The following PIK3CA variants were observed in gnomAD, a reference collection of about 807,000 sequenced individuals.
PIK3CA encodes phosphatidylinositol 4,5-bisphosphate 3-kinase catalytic subunit alpha isoform.
In PIK3CA, 27 loss-of-function variants were observed where a neutral mutation model predicts 138.2. That is an observed-to-expected ratio of 0.20 (90% CI 0.14 to 0.27). The LOEUF (loss-of-function observed/expected upper bound fraction) is 0.27. Ranked by LOEUF, PIK3CA falls within the 10% of genes least tolerant of loss-of-function variation. PIK3CA has a pLI of 1.00. For synonymous variants in PIK3CA, 358 were observed against 413.2 expected, an observed-to-expected ratio of 0.87 and a Z score of 1.62; for missense variants, 544 against 1,277.4, an observed-to-expected ratio of 0.43 and a Z score of 8.75.
intron 1 of PIK3CA, chr3:179,149,836 CA>C (rs1393050372): frequency 2.0e-5 from 3 of 152,184 alleles, no homozygotes; most frequent in African/African-American, 7.2e-5. Flanking sequence ...TATTTGCTTA[CA>C]TTGCACCGTA....
Position 179,236,557 on chromosome 3 carries a change from G to A in PIK3CA, c.*2193G>A, listed in dbSNP as rs902119434. 4.5e-6 allele frequency: 1 copy of A among 223,916 alleles called. No homozygotes were observed. Among genetic ancestry groups the A allele is most frequent in the East Asian group, 6.5e-5 (1 of 15,354 alleles). 13.9% of individuals were successfully genotyped at this position (223,916 alleles called of 1,614,324 possible). On this transcript the variant is annotated 3_prime_UTR_variant, in exon 21 of 21. Coordinates refer to ENST00000263967, the MANE Select transcript of PIK3CA (RefSeq NM_006218.4). The stretch of plus-strand genomic sequence containing the variant: ...TTTAACAGAGAACTGTGTTTTACCC[G>A]AGTGCCAAAAATGCTGTGAGCCTCC...
chr3:179,156,269 T>C (rs1180951881), intron 1 of PIK3CA, among the ~76,000 whole-genome samples: 1 of 152,208 alleles, frequency 6.6e-6, no homozygotes, highest in Non-Finnish European at 1.5e-5. Flanking sequence ...AATAAATTGC[T>C]ACAGGTGTGG....
At chr3:179,190,910 A>G (rs1288085144) in intron 1 of PIK3CA, among the ~76,000 whole-genome samples, 1 of 152,254 alleles carries the variant, frequency 6.6e-6, no homozygotes, top group Non-Finnish European at 1.5e-5. Flanking sequence ...GAAGAACTGT[A>G]CTGTGAACGA....
In PIK3CA at chr3:179,234,772, C is replaced by G. The variant is rs1725297348; in HGVS notation, c.*408C>G. 2 of 234,526 alleles carry G rather than the reference C, an allele frequency of 8.5e-6. No homozygotes were observed. Among genetic ancestry groups the G allele is most frequent in the Non-Finnish European group, 1.7e-5 (2 of 119,094 alleles). 14.5% of individuals were successfully genotyped at this position (234,526 alleles called of 1,614,324 possible). ...TTTTGAAATGTGGACACAACAAAGG[C>G]TGTTATTGCATTAGGTGTAAGTAAA... On this transcript the variant is annotated 3_prime_UTR_variant, in exon 21 of 21. Coordinates refer to ENST00000263967, the MANE Select transcript of PIK3CA (RefSeq NM_006218.4). This position sits in a 1 kb window ranked among gnomAD's most constrained non-coding sequence, Gnocchi z 5.1.
intron 1 of PIK3CA, among the ~76,000 whole-genome samples, chr3:179,150,746 CAAAG>C (rs943196364): frequency 2.0e-5 from 3 of 152,134 alleles, no homozygotes; most frequent in Non-Finnish European, 4.4e-5. Context: ...CTTAAAAAAC[CAAAG>C]AAAAAACCCA....
intron 1 of PIK3CA, among the ~76,000 whole-genome samples, chr3:179,185,561 C>T (rs1332839915): frequency 1.3e-5 from 2 of 152,114 alleles, no homozygotes; most frequent in Non-Finnish European, 2.9e-5. Context: ...CATCAGATCC[C>T]ATAGATTGAG....
intron 14 of PIK3CA, among the ~76,000 whole-genome samples, chr3:179,222,787 T>C (rs538174868): frequency 6.6e-6 from 1 of 152,336 alleles, no homozygotes; most frequent in African/African-American, 2.4e-5. Context: ...TTCTACTGAA[T>C]GCATGTAGGA....
chr3:179,218,853 T>G (rs1724901792), intron 10 of PIK3CA, among the ~76,000 whole-genome samples: 2 of 152,034 alleles, frequency 1.3e-5, no homozygotes, highest in East Asian at 3.8e-4. Flanking sequence ...AAGTGGTGAC[T>G]CTATGATTCA....
In PIK3CA at chr3:179,201,364, C is replaced by T. The variant is rs2108389527; in HGVS notation, c.637C>T (p.His213Tyr). 1 of 1,613,386 alleles carries T rather than the reference C, an allele frequency of 6.2e-7. No homozygotes were observed. The highest frequency in any genetic ancestry group is 1.1e-5 in the South Asian group (1 of 91,064). Reference protein sequence around the residue: ...DKQKYTLKINHDCVPEQVIAE... With the variant: ...DKQKYTLKINYDCVPEQVIAE... ...GCAGAAGTATACTCTGAAAATCAACCATGACTGTGTACCAGAACAAGTAAT... is the reference window on the plus strand; with the variant it reads ...GCAGAAGTATACTCTGAAAATCAACTATGACTGTGTACCAGAACAAGTAAT... The change falls in exon 4 of 21, where the codon CAT (histidine) becomes TAT (tyrosine). Residue 213 changes from histidine to tyrosine, a missense_variant. Coordinates refer to ENST00000263967, the MANE Select transcript of PIK3CA (RefSeq NM_006218.4).
intron 1 of PIK3CA, among the ~76,000 whole-genome samples, chr3:179,164,431 G>GA (rs2108357464): frequency 6.6e-6 from 1 of 152,240 alleles, no homozygotes; most frequent in East Asian, 1.9e-4. Context: ...TTAAGAAAAG[G>GA]AAAAATGTGG....
At chr3:179,162,448 C>T (rs762484679) in intron 1 of PIK3CA, among the ~76,000 whole-genome samples, 1 of 152,018 alleles carries the variant, frequency 6.6e-6, no homozygotes, top group African/African-American at 2.4e-5. Context: ...TGGGCTCGAG[C>T]AGTCTGCCTA....
chr3:179,161,932 T>C (rs997276761), intron 1 of PIK3CA, among the ~76,000 whole-genome samples: 2 of 152,222 alleles, frequency 1.3e-5, no homozygotes, highest in Non-Finnish European at 2.9e-5. Flanking sequence ...CATTATTTCC[T>C]GTTTATTCAA....
At position 179,239,915 on chromosome 3, in the gene PIK3CA, A is replaced by C; in HGVS notation, c.*5551A>C. ...GCATGTGTTACTATATTGAGAATAT[A>C]GAATAATAACAGTATCACTAAATTT... On this transcript the variant is annotated 3_prime_UTR_variant, in exon 21 of 21. Coordinates refer to ENST00000263967, the MANE Select transcript of PIK3CA (RefSeq NM_006218.4). 1 of 828,914 alleles carries C rather than the reference A, an allele frequency of 1.2e-6. No individual in the cohort carries two copies. The highest frequency in any genetic ancestry group is 1.6e-5 in the South Asian group (1 of 61,812). 51.3% of individuals were successfully genotyped at this position (828,914 alleles called of 1,614,324 possible).
At chr3:179,193,148 G>T (rs1391495814) in intron 1 of PIK3CA, among the ~76,000 whole-genome samples, 1 of 152,164 alleles carries the variant, frequency 6.6e-6, no homozygotes, top group Non-Finnish European at 1.5e-5. Context: ...ACAGGTTCAG[G>T]CCTTCTGAGA....
At chr3:179,218,032 T>G (rs1205278637) in intron 9 of PIK3CA, among the ~76,000 whole-genome samples, 178 bp from the exon 10 acceptor site, 2 of 152,078 alleles carry the variant, frequency 1.3e-5, no homozygotes, top group Non-Finnish European at 2.9e-5. Context: ...TGTCTTAGAT[T>G]GGTTCTTTCC....
intron 1 of PIK3CA, among the ~76,000 whole-genome samples, chr3:179,163,510 T>A (rs940958610): frequency 4.6e-5 from 7 of 151,454 alleles, no homozygotes; most frequent in Non-Finnish European, 8.8e-5. Flanking sequence ...AAGAAAAAAA[T>A]CTCTTTCTCT....
At position 179,202,065 on chromosome 3, in the gene PIK3CA, G is replaced by A. The variant is rs1362032534; in HGVS notation, c.813+525G>A. On this transcript the variant is annotated intron_variant, in intron 4 of 20. Transcript: ENST00000263967. The stretch of plus-strand genomic sequence containing the variant: ...ATTCCATGGGGTTGTTGTTTTTGTT[G>A]TTGTTTGTTTGTTTTTCGAGACAGG... 3.3e-5 allele frequency among the ~76,000 whole-genome samples: 5 copies of A among 151,970 alleles called. No homozygotes were observed. The South Asian group carries it at 1.0e-3, about 32-fold the overall frequency.
rs2108411439 is a variant in PIK3CA at position 179,219,774 on chromosome 3, A to G, written c.1911+39A>G. The G allele has an allele frequency of 3.5e-6, 5 of 1,429,306 alleles. No homozygotes were observed. The highest frequency in any genetic ancestry group is 4.8e-6 in the Non-Finnish European group (5 of 1,041,320). The allele number at this position is 1,429,306 out of a possible 1,614,324, so 88.5% of individuals were successfully genotyped here. ...AAATAGTAAATAATGTTTAATTACA[A>G]TAATAATTTATTCTAGATCCATACA... On this transcript the variant is annotated intron_variant, in intron 12 of 20. Transcript: ENST00000263967. The surrounding 1 kb of genome is among the most constrained non-coding windows in gnomAD (Gnocchi z 4.2).
At chr3:179,197,624 A>G (rs1466379063) in intron 1 of PIK3CA, among the ~76,000 whole-genome samples, 1 of 152,226 alleles carries the variant, frequency 6.6e-6, no homozygotes, top group Non-Finnish European at 1.5e-5. Flanking sequence ...GTGCATAAGC[A>G]AATAGTGTCA....
Sources: allele counts gnomAD v4.1 joint callset (sites outside exome capture counted in the v4.1 genomes callset), GRCh38; gene constraint gnomAD v4.1.1; non-coding constraint Gnocchi (gnomAD v3.1); transcripts MANE v1.5; gene names NCBI Gene and HGNC (gene_info 2026-07-23, HGNC 2026-07-21).